Variants in SHCBP1 observed in about 807,000 individuals in gnomAD.
SHCBP1 encodes SHC SH2 domain-binding protein 1.
In SHCBP1, 60 loss-of-function variants were observed where a neutral mutation model predicts 75.1. The observed-to-expected ratio is 0.80, with a 90% CI of 0.65 to 0.99. The LOEUF (loss-of-function observed/expected upper bound fraction) is 0.99. SHCBP1 is among the 50% of genes least tolerant of loss of function. The probability of loss-of-function intolerance (pLI) is 0.00; values close to 1 mark genes in which losing one functional copy is unlikely to be tolerated. For missense variants in SHCBP1, 709 were observed against 809.4 expected (o/e 0.88, Z 1.50); for synonymous variants, 290 against 293.2 (o/e 0.99, Z 0.11).
intron 4 of SHCBP1, among the ~76,000 whole-genome samples, chr16:46,610,544 A>ATT (rs60140518): frequency 0.13 from 4,040 of 30,776 alleles, 1,438 homozygotes; most frequent in East Asian, 0.6. Context: ...CATGGGGTCA[A>ATT]TTTTTTTTTT....
Position 46,592,951 on chromosome 16 carries a change from C to CAAAAAAAAAAAAAAAAAAAAAAA in SHCBP1, c.1464+2578_1464+2600dup. ...AACATCCACTTATGATAAAAATTCT[C>CAAAAAAAAAAAAAAAAAAAAAAA]AAAAAAAAAAAAAAAAAAAAAAAAA... On this transcript the variant is annotated intron_variant, in intron 10 of 12. Transcript: ENST00000303383. 2.2e-3 allele frequency among the ~76,000 whole-genome samples: 50 copies of CAAAAAAAAAAAAAAAAAAAAAAA among 22,788 alleles called. 7 individuals are homozygous for CAAAAAAAAAAAAAAAAAAAAAAA. Among genetic ancestry groups the CAAAAAAAAAAAAAAAAAAAAAAA allele is most frequent in the East Asian group, 5.1e-3 (2 of 390 alleles). The allele number at this position is 22,788 out of a possible 152,430, so 14.9% of individuals were successfully genotyped here.
chr16:46,608,566 A>G (rs928873177), intron 4 of SHCBP1, among the ~76,000 whole-genome samples, 177 bp from the exon 5 acceptor site: 3 of 151,862 alleles, frequency 2.0e-5, no homozygotes, highest in African/African-American at 7.3e-5. Flanking sequence ...TGGATCAGCT[A>G]AAGAAGAGAA....
At chr16:46,599,771 A>T (rs1965202528) in intron 9 of SHCBP1, 60 bp downstream of exon 9, 1 of 1,468,704 alleles carries the variant, frequency 6.8e-7, no homozygotes, top group Non-Finnish European at 9.1e-7. Flanking sequence ...TCTTCCATAG[A>T]GAGAACCGTT....
At chr16:46,609,741 C>T (rs534679184) in intron 4 of SHCBP1, among the ~76,000 whole-genome samples, 1 of 152,096 alleles carries the variant, frequency 6.6e-6, no homozygotes, top group Admixed American at 6.5e-5. Flanking sequence ...CATGAGCCAC[C>T]GTGCCCAGTT....
At chr16:46,604,621 A>G (rs1157332813) in intron 5 of SHCBP1, among the ~76,000 whole-genome samples, 160 bp from the exon 6 acceptor site, 1 of 152,178 alleles carries the variant, frequency 6.6e-6, no homozygotes, top group Non-Finnish European at 1.5e-5. Context: ...AATAATAATA[A>G]TAAGTGGAAG....
At chr16:46,601,069 G>A (rs945465534) in intron 8 of SHCBP1, among the ~76,000 whole-genome samples, 2 of 151,664 alleles carry the variant, frequency 1.3e-5, no homozygotes, top group Non-Finnish European at 2.9e-5. Flanking sequence ...AGCACTTTGG[G>A]AGGCCAGGGC....
intron 10 of SHCBP1, among the ~76,000 whole-genome samples, chr16:46,591,106 G>A (rs1965041048): frequency 6.6e-6 from 1 of 152,128 alleles, no homozygotes; most frequent in Non-Finnish European, 1.5e-5. Context: ...TCATAGGTGG[G>A]AATTGAACAA....
rs375574848 is a variant in SHCBP1, at chr16:46,581,888, A to C, written c.1860T>G (p.Ala620=). The part of the protein sequence containing the change: ...GNCEIVNELI[A]ASTQKGQIKK... ...TTATCTGGCCTTTCTGTGTGGAGGCAGCAATTAGTTCATTTACAATTTCAC... is the reference window on the plus strand; with the variant it reads ...TTATCTGGCCTTTCTGTGTGGAGGCCGCAATTAGTTCATTTACAATTTCAC... The change falls in exon 13 of 13, where the codon GCT becomes GCG. Residue 620 remains alanine, a synonymous_variant. Coordinates refer to ENST00000303383, the MANE Select transcript of SHCBP1 (RefSeq NM_024745.5). 31 of 1,614,014 alleles carry C rather than the reference A, an allele frequency of 1.9e-5. No homozygotes were observed. The African/African-American group carries it at 3.9e-4, about 20-fold the overall frequency.
At position 46,605,418 on chromosome 16, in the gene SHCBP1, G is replaced by A. The variant is rs904414324; in HGVS notation, c.690-957C>T. Among the ~76,000 whole-genome samples the A allele has an allele frequency of 2.0e-5, 3 of 152,156 alleles. No homozygotes were observed. In the South Asian group the frequency reaches 6.2e-4, roughly 31 times the overall value. ...AGCCTGGGCAACATGGCAAAACCCTGTCACTACAAAAATACAAAAATGAGC... is the reference window on the plus strand; with the variant it reads ...AGCCTGGGCAACATGGCAAAACCCTATCACTACAAAAATACAAAAATGAGC... On this transcript the variant is annotated intron_variant, in intron 5 of 12. Transcript: ENST00000303383.
At chr16:46,612,591 T>A (rs1006762276) in intron 4 of SHCBP1, among the ~76,000 whole-genome samples, 4 of 152,166 alleles carry the variant, frequency 2.6e-5, no homozygotes, top group African/African-American at 9.7e-5. Context: ...AATAGATTCA[T>A]AATCTGGCCC....
intron 4 of SHCBP1, among the ~76,000 whole-genome samples, chr16:46,614,042 T>C (rs1965458840): frequency 6.6e-6 from 1 of 152,218 alleles, no homozygotes; most frequent in South Asian, 2.1e-4. Flanking sequence ...CCTAAACTTA[T>C]CAGTTATCAC....
chr16:46,587,293 G>A (rs915324070), intron 10 of SHCBP1, among the ~76,000 whole-genome samples: 4 of 152,026 alleles, frequency 2.6e-5, no homozygotes, highest in Admixed American at 2.0e-4. Context: ...AAAGTTATAT[G>A]AAGAGATATT....
At chr16:46,608,785 G>T (rs1965363292) in intron 4 of SHCBP1, among the ~76,000 whole-genome samples, 2 of 151,938 alleles carry the variant, frequency 1.3e-5, no homozygotes, top group South Asian at 2.1e-4. Flanking sequence ...ATTTTTAGTA[G>T]AGATGGGGAT....
At chr16:46,599,722 G>A in intron 9 of SHCBP1, 109 bp downstream of exon 9, 1 of 332,270 alleles carries the variant, frequency 3.0e-6, no homozygotes, top group Non-Finnish European at 4.6e-6. Context: ...ATAAAACAAG[G>A]TATGCCTGTA....
chr16:46,609,427 C>G (rs1965372308), intron 4 of SHCBP1, among the ~76,000 whole-genome samples: 1 of 150,040 alleles, frequency 6.7e-6, no homozygotes, highest in Non-Finnish European at 1.5e-5. Context: ...TCATCAGCAT[C>G]CACACTTTTC....
chr16:46,611,010 C>CA (rs1965407681), intron 4 of SHCBP1, among the ~76,000 whole-genome samples: 1 of 152,270 alleles, frequency 6.6e-6, no homozygotes, highest in African/African-American at 2.4e-5. Context: ...CATTCCTGGC[C>CA]AAAGCCACTG....
chr16:46,581,740 A>C lies in SHCBP1; in HGVS notation c.2008T>G (p.Phe670Val). The C allele has an allele frequency of 6.2e-7, 1 of 1,612,878 alleles. No individual in the cohort carries two copies. The highest frequency in any genetic ancestry group is 1.1e-5 in the South Asian group (1 of 90,958). The change falls in exon 13 of 13, where the codon TTT becomes GTT. Residue 670 changes from phenylalanine to valine, a missense_variant. Transcript: ENST00000303383. Reference protein sequence around the residue: ...KWNGKGSFGTFLF With the variant: ...KWNGKGSFGTVLF The stretch of plus-strand genomic sequence containing the variant: ...TTACATCACTGTAGTCAGAAAAGAA[A>C]TGTGCCAAAACTACCTTTCCCATTC...
chr16:46,580,163 A>G lies in SHCBP1; in HGVS notation c.*1566T>C, dbSNP rs779748792. ...AAGTGATTTTTTTTTAAGTTGAATA[A>G]ATGGTTTTTATCTTAAGGCATCACA... On this transcript the variant is annotated 3_prime_UTR_variant, in exon 13 of 13. Coordinates refer to ENST00000303383, the MANE Select transcript of SHCBP1 (RefSeq NM_024745.5). 2.0e-5 allele frequency among the ~76,000 whole-genome samples: 3 copies of G among 151,836 alleles called. No individual in the cohort carries two copies. The highest frequency in any genetic ancestry group is 4.4e-5 in the Non-Finnish European group (3 of 67,962).
intron 1 of SHCBP1, among the ~76,000 whole-genome samples, chr16:46,620,137 C>T (rs1452151028): frequency 6.6e-6 from 1 of 152,182 alleles, no homozygotes; most frequent in African/African-American, 2.4e-5. Context: ...ATTAATATTT[C>T]CATCACCTCG....
Sources: allele counts gnomAD v4.1 joint callset (sites outside exome capture counted in the v4.1 genomes callset), GRCh38; gene constraint gnomAD v4.1.1; transcripts MANE v1.5; gene names NCBI Gene and HGNC (gene_info 2026-07-23, HGNC 2026-07-21).